ELMO1: variants seen among roughly 807,000 people sequenced by gnomAD.
The protein encoded by ELMO1 is engulfment and cell motility 1, also known as engulfment and cell motility protein 1.
A neutral mutation model predicts 98.9 loss-of-function variants in ELMO1; 26 were observed. The ratio of observed to expected loss-of-function variants is 0.26; its 90% CI spans 0.19 to 0.36. The LOEUF is 0.36. ELMO1 is among the 10% of genes least tolerant of loss of function. ELMO1 has a pLI of 1.00. For synonymous variants in ELMO1, 346 were observed against 346.0 expected (o/e 1.00, Z 0.00); for missense variants, 627 against 935.2 (o/e 0.67, Z 4.30).
intron 16 of ELMO1, among the ~76,000 whole-genome samples, chr7:36,949,454 T>C (rs995870581): frequency 6.6e-6 from 1 of 151,256 alleles, no homozygotes; most frequent in African/African-American, 2.4e-5. Context: ...CCCTTCTCAA[T>C]GTGCATGGCC....
chr7:37,199,046 T>C (rs1407657625), intron 13 of ELMO1, among the ~76,000 whole-genome samples: 2 of 152,182 alleles, frequency 1.3e-5, no homozygotes, highest in Non-Finnish European at 2.9e-5. Context: ...GCGCGCCCCC[T>C]AGTGGACCAG....
intron 5 of ELMO1, chr7:37,269,759 T>C (rs977328973): frequency 6.6e-6 from 1 of 152,206 alleles, no homozygotes; most frequent in African/African-American, 2.4e-5. Flanking sequence ...CATCTTTTAA[T>C]AGTGCCTCTT....
chr7:37,375,207 C>T (rs1209663960), intron 1 of ELMO1, among the ~76,000 whole-genome samples: 1 of 152,154 alleles, frequency 6.6e-6, no homozygotes, highest in African/African-American at 2.4e-5. Context: ...TAGCAGATTA[C>T]ATTTCCCTTG....
intron 16 of ELMO1, among the ~76,000 whole-genome samples, chr7:36,974,078 T>A (rs1210418242): frequency 6.6e-6 from 1 of 152,236 alleles, no homozygotes. Context: ...CGCCCCCTGT[T>A]CCACTGCGCC....
chr7:36,915,996 G>A (rs1044747257), intron 16 of ELMO1, among the ~76,000 whole-genome samples: 2 of 152,168 alleles, frequency 1.3e-5, no homozygotes, highest in African/African-American at 2.4e-5. Context: ...GGGAGCTGGC[G>A]AGCTCAGGGA....
intron 1 of ELMO1, among the ~76,000 whole-genome samples, chr7:37,369,946 GCT>G (rs989473458): frequency 3.3e-5 from 5 of 152,022 alleles, no homozygotes; most frequent in African/African-American, 1.2e-4. Context: ...ACCAGGACTG[GCT>G]CTCTCTTTAA....
chr7:37,304,565 A>C (rs1161752220), intron 4 of ELMO1, among the ~76,000 whole-genome samples: 6 of 152,076 alleles, frequency 3.9e-5, no homozygotes, highest in Admixed American at 2.0e-4. Context: ...AAAATACAAA[A>C]ATTAGCTGGG....
At chr7:37,424,104 G>A (rs1470360608) in intron 1 of ELMO1, among the ~76,000 whole-genome samples, 2 of 152,182 alleles carry the variant, frequency 1.3e-5, no homozygotes, top group East Asian at 3.8e-4. Context: ...AAACTAAGAG[G>A]CCAGGTGCAT....
chr7:37,016,674 T>C (rs184402775), intron 15 of ELMO1, among the ~76,000 whole-genome samples: 2 of 152,250 alleles, frequency 1.3e-5, no homozygotes, highest in East Asian at 3.9e-4. Flanking sequence ...GAGATAGCAG[T>C]ACCAAGGCCT....
chr7:37,216,576 A>G, intron 11 of ELMO1, 69 bp downstream of exon 11: 4 of 1,570,978 alleles, frequency 2.5e-6, no homozygotes, highest in Non-Finnish European at 3.5e-6. Flanking sequence ...CTGAAGCCAA[A>G]AGAAGAGATT....
At chr7:36,862,322 A>G (rs1448181875) in intron 20 of ELMO1, among the ~76,000 whole-genome samples, 3 of 152,240 alleles carry the variant, frequency 2.0e-5, no homozygotes, top group African/African-American at 7.2e-5. Flanking sequence ...GCTACTGTAC[A>G]GCAAAGGCTA....
intron 13 of ELMO1, among the ~76,000 whole-genome samples, chr7:37,160,287 G>A (rs149818505): frequency 6.6e-6 from 1 of 152,232 alleles, no homozygotes; most frequent in East Asian, 1.9e-4. Flanking sequence ...ATTACATTTT[G>A]TGAAATTCAG....
chr7:36,973,779 G>A (rs976204091), intron 16 of ELMO1, among the ~76,000 whole-genome samples: 2 of 152,196 alleles, frequency 1.3e-5, no homozygotes, highest in South Asian at 2.1e-4. Context: ...GCTGCGCGCG[G>A]CGCTTGCGAG....
At chr7:37,130,379 A>C (rs1474033955) in intron 14 of ELMO1, among the ~76,000 whole-genome samples, 2 of 152,210 alleles carry the variant, frequency 1.3e-5, no homozygotes, top group Admixed American at 6.5e-5. Flanking sequence ...GTCCAGAGAC[A>C]GAGTCCTGGG....
chr7:37,134,134 G>T (rs957164428), intron 13 of ELMO1, among the ~76,000 whole-genome samples: 1 of 151,908 alleles, frequency 6.6e-6, no homozygotes, highest in African/African-American at 2.4e-5. Flanking sequence ...GCAAGAAAAG[G>T]GAAAAAAGAA....
intron 1 of ELMO1, among the ~76,000 whole-genome samples, chr7:37,356,165 G>T (rs574459899): frequency 2.0e-5 from 3 of 151,606 alleles, no homozygotes; most frequent in African/African-American, 7.2e-5. Flanking sequence ...AAATTCCATG[G>T]TGTCTATGTG....
At chr7:37,158,025 G>A (rs376017761) in intron 13 of ELMO1, among the ~76,000 whole-genome samples, 9 of 152,114 alleles carry the variant, frequency 5.9e-5, no homozygotes, top group Admixed American at 2.6e-4. Context: ...TCTGATCTTT[G>A]ACAAACCTGA....
intron 16 of ELMO1, among the ~76,000 whole-genome samples, chr7:36,968,779 T>A (rs1260650063): frequency 2.6e-5 from 4 of 152,292 alleles, no homozygotes; most frequent in African/African-American, 9.6e-5. Flanking sequence ...ATCTTTCCTT[T>A]TGTATTCTTT....
chr7:37,410,975 A>T (rs1250405407), intron 1 of ELMO1, among the ~76,000 whole-genome samples: 1 of 152,236 alleles, frequency 6.6e-6, no homozygotes, highest in African/African-American at 2.4e-5. Context: ...TGTTTACTGC[A>T]CACCAGGCAC....
Sources: gnomAD v4.1 joint callset for allele counts (sites outside exome capture counted in the v4.1 genomes callset) on GRCh38, gnomAD v4.1.1 for gene constraint, MANE v1.5 for transcripts, NCBI Gene and HGNC (gene_info 2026-07-23, HGNC 2026-07-21) for gene names.